The following FGF12 variants were observed in gnomAD, a reference collection of about 807,000 sequenced individuals.
The protein encoded by FGF12 is fibroblast growth factor 12, also known as fibroblast growth factor 12B.
Under a neutral mutation model 23.6 loss-of-function variants are expected in FGF12, and 14 were observed. The observed-to-expected ratio is 0.59, with a 90% CI of 0.39 to 0.93. FGF12 has a LOEUF of 0.93. Among genes scored for constraint, FGF12 ranks in the 40% least tolerant of loss-of-function variants. FGF12 has a pLI of 0.00. For synonymous variants in FGF12, 62 were observed against 77.3 expected, an observed-to-expected ratio of 0.80 and a Z score of 1.04; for missense variants, 175 against 217.8, an observed-to-expected ratio of 0.80 and a Z score of 1.24.
At chr3:192,309,288 T>A (rs991117824) in intron 4 of FGF12, among the ~76,000 whole-genome samples, 2 of 152,172 alleles carry the variant, frequency 1.3e-5, no homozygotes, top group Non-Finnish European at 2.9e-5. Context: ...CTCATTAAGA[T>A]TAAATTCACA....
chr3:192,165,516 AAT>A lies in FGF12; in HGVS notation c.427+4940_427+4941del, dbSNP rs1491198812. The stretch of plus-strand genomic sequence containing the variant: ...AAGAACTTTAGAAATCATCTGGTCC[AAT>A]TTTTTTTTTTTTTTTTGCTGAGTGG... On this transcript the variant is annotated intron_variant, in intron 5 of 5. Coordinates refer to ENST00000445105, the MANE Select transcript of FGF12 (RefSeq NM_004113.6). Among the ~76,000 whole-genome samples, 9 of 47,846 alleles carry A rather than the reference AAT, an allele frequency of 1.9e-4. No individual in the cohort carries two copies. In the South Asian group the frequency reaches 0.016, roughly 83 times the overall value. The allele number at this position is 47,846 out of a possible 152,430, so 31.4% of individuals were successfully genotyped here. A position where few individuals can be genotyped will look rare whatever the true frequency, so the allele number is the denominator to read the frequency against.
intron 2 of FGF12, among the ~76,000 whole-genome samples, chr3:192,674,287 C>CA (rs1358366170): frequency 6.6e-6 from 1 of 152,178 alleles, no homozygotes; most frequent in Non-Finnish European, 1.5e-5. Context: ...ACAAAAGCAG[C>CA]AAAAGGCATG....
chr3:192,311,508 G>T (rs79616318), intron 4 of FGF12, among the ~76,000 whole-genome samples: 5,516 of 152,156 alleles, frequency 0.036, 327 homozygotes, highest in African/African-American at 0.13. Context: ...ATATTCCATT[G>T]TATGAATATA....
chr3:192,437,838 C>T (rs1722076285), intron 2 of FGF12, among the ~76,000 whole-genome samples: 2 of 152,164 alleles, frequency 1.3e-5, no homozygotes, highest in African/African-American at 4.8e-5. Flanking sequence ...AAGTCTCCAG[C>T]TTCCTTGGGC....
At chr3:192,429,310 G>A (rs979277563) in intron 2 of FGF12, among the ~76,000 whole-genome samples, 19 of 151,988 alleles carry the variant, frequency 1.3e-4, no homozygotes, top group Non-Finnish European at 1.9e-4. Context: ...TCAAAGAACA[G>A]GCCATATTTT....
intron 3 of FGF12, among the ~76,000 whole-genome samples, chr3:192,352,386 GC>G (rs1718267090): frequency 6.6e-6 from 1 of 152,234 alleles, no homozygotes; most frequent in East Asian, 1.9e-4. Flanking sequence ...CTGGGCCCCA[GC>G]CTCACAGTCT....
intron 2 of FGF12, among the ~76,000 whole-genome samples, chr3:192,388,733 G>T (rs962821645): frequency 6.6e-6 from 1 of 151,784 alleles, no homozygotes; most frequent in Admixed American, 6.6e-5. Context: ...TCACATTTTT[G>T]AAAGCAACTT....
At chr3:192,605,167 A>T (rs544259377) in intron 2 of FGF12, among the ~76,000 whole-genome samples, 2 of 152,256 alleles carry the variant, frequency 1.3e-5, no homozygotes, top group East Asian at 3.9e-4. Flanking sequence ...TCATCAGGTC[A>T]GGAGATCGAG....
chr3:192,653,414 G>A (rs1433858307), intron 2 of FGF12, among the ~76,000 whole-genome samples: 1 of 152,108 alleles, frequency 6.6e-6, no homozygotes, highest in Non-Finnish European at 1.5e-5. Context: ...TGCTCAGCCA[G>A]CCTCGCTTTC....
chr3:192,178,264 A>C (rs1303616139), intron 4 of FGF12, among the ~76,000 whole-genome samples: 1 of 152,154 alleles, frequency 6.6e-6, no homozygotes, highest in Non-Finnish European at 1.5e-5. Context: ...GCCTATATAA[A>C]ATGTTGTTTC....
chr3:192,307,056 AT>A (rs1271696916), intron 4 of FGF12, among the ~76,000 whole-genome samples: 1 of 152,250 alleles, frequency 6.6e-6, no homozygotes, highest in Non-Finnish European at 1.5e-5. Flanking sequence ...TGATCAACAA[AT>A]AGTTGAAAAT....
intron 2 of FGF12, among the ~76,000 whole-genome samples, chr3:192,673,943 C>G (rs934241907): frequency 6.6e-6 from 1 of 151,092 alleles, no homozygotes; most frequent in Non-Finnish European, 1.5e-5. Flanking sequence ...ATTTCTGTTT[C>G]TAGATCCTTG....
intron 2 of FGF12, among the ~76,000 whole-genome samples, chr3:192,713,669 A>G (rs933031223): frequency 6.6e-6 from 1 of 152,146 alleles, no homozygotes; most frequent in African/African-American, 2.4e-5. Context: ...TGTCGTTGCC[A>G]TCTGTCTAAC....
At chr3:192,678,549 C>T (rs962224208) in intron 2 of FGF12, among the ~76,000 whole-genome samples, 1 of 152,218 alleles carries the variant, frequency 6.6e-6, no homozygotes, top group South Asian at 2.1e-4. Context: ...ACTCAACTTT[C>T]TCAGTTTCTC....
chr3:192,718,876 T>G (rs1165606578), intron 2 of FGF12, among the ~76,000 whole-genome samples: 1 of 152,134 alleles, frequency 6.6e-6, no homozygotes, highest in African/African-American at 2.4e-5. Context: ...ATCACCCTGT[T>G]TATTTTCTGT....
chr3:192,691,956 T>C (rs955128315), intron 2 of FGF12, among the ~76,000 whole-genome samples: 3 of 152,052 alleles, frequency 2.0e-5, no homozygotes, highest in Admixed American at 6.6e-5. Context: ...CCTTCTAAGA[T>C]TGAATCACAA....
At chr3:192,179,039 T>C (rs1191184030) in intron 4 of FGF12, among the ~76,000 whole-genome samples, 1 of 152,190 alleles carries the variant, frequency 6.6e-6, no homozygotes, top group Non-Finnish European at 1.5e-5. Context: ...ATCCTTGCTA[T>C]AATAGCTGCT....
intron 4 of FGF12, among the ~76,000 whole-genome samples, chr3:192,183,824 G>T (rs1716309505): frequency 2.6e-5 from 4 of 152,194 alleles, no homozygotes; most frequent in Admixed American, 2.6e-4. Flanking sequence ...GCAGAATAAG[G>T]ATTAGAACCT....
At chr3:192,385,636 G>T (rs907143545) in intron 2 of FGF12, among the ~76,000 whole-genome samples, 1 of 132,404 alleles carries the variant, frequency 7.6e-6, no homozygotes, top group Non-Finnish European at 1.6e-5. Flanking sequence ...GGGACCCATA[G>T]GGATTCACAT....
Sources: gnomAD v4.1 joint callset for allele counts (sites outside exome capture counted in the v4.1 genomes callset) on GRCh38, gnomAD v4.1.1 for gene constraint, MANE v1.5 for transcripts, NCBI Gene and HGNC (gene_info 2026-07-23, HGNC 2026-07-21) for gene names.